The following FGD4 variants were observed in gnomAD, a reference collection of about 807,000 sequenced individuals.
FGD4 encodes the protein FYVE, RhoGEF and PH domain containing 4.
FGD4 carries 42 observed loss-of-function variants against 102.0 expected under a neutral mutation model. The observed-to-expected ratio is 0.41, with a 90% CI of 0.32 to 0.53. FGD4 has a LOEUF of 0.53. Ranked by LOEUF, FGD4 falls within the 20% of genes least tolerant of loss-of-function variation. The probability of loss-of-function intolerance (pLI) is 0.21; values close to 1 mark genes in which losing one functional copy is unlikely to be tolerated. For missense variants in FGD4, 902 were observed against 1,078.2 expected (o/e 0.84, Z 2.29); for synonymous variants, 380 against 375.7 (o/e 1.01, Z -0.13).
intron 1 of FGD4, among the ~76,000 whole-genome samples, chr12:32,500,452 G>A (rs1479319904): frequency 1.6e-5 from 2 of 126,374 alleles, no homozygotes; most frequent in South Asian, 2.5e-4. Flanking sequence ...ATTTTATTTT[G>A]AGACGAAGTC....
intron 10 of FGD4, among the ~76,000 whole-genome samples, chr12:32,613,261 T>C (rs143919724): frequency 0.017 from 2,573 of 152,256 alleles, 45 homozygotes; most frequent in Non-Finnish European, 0.021. Context: ...CCAGTCTCCA[T>C]TGAAAGGAAA....
chr12:32,419,817 G>T (rs1407876766), intron 1 of FGD4, among the ~76,000 whole-genome samples: 1 of 152,074 alleles, frequency 6.6e-6, no homozygotes, highest in African/African-American at 2.4e-5. Flanking sequence ...TGTCATCTGA[G>T]TGCAGCCTGG....
intron 1 of FGD4, among the ~76,000 whole-genome samples, chr12:32,448,368 G>A (rs1565746297): frequency 1.3e-5 from 2 of 152,074 alleles, no homozygotes; most frequent in African/African-American, 2.4e-5. Flanking sequence ...TAGAAAAAGG[G>A]GTGCTTGGCT....
At chr12:32,510,175 C>G (rs1430699393) in intron 1 of FGD4, among the ~76,000 whole-genome samples, 2 of 152,166 alleles carry the variant, frequency 1.3e-5, no homozygotes, top group African/African-American at 2.4e-5. Context: ...AATGATTTAT[C>G]ACATCATATC....
In FGD4 at chr12:32,453,236, TA is replaced by T. The variant is rs1274318110; in HGVS notation, c.166+53278del. On this transcript the variant is annotated intron_variant, in intron 1 of 16. Transcript: ENST00000534526. ...TATATATATAATATAGATATATATA[TA>T]TTTTTTTTTTTTTAAATGTAGAGCC... Among the ~76,000 whole-genome samples, 40 of 43,352 alleles carry T rather than the reference TA, an allele frequency of 9.2e-4. 1 individual carries two copies. The South Asian group carries it at 0.016, about 17-fold the overall frequency. 28.4% of individuals were successfully genotyped at this position (43,352 alleles called of 152,430 possible).
At chr12:32,453,224 TAG>T (rs200083319) in intron 1 of FGD4, among the ~76,000 whole-genome samples, 4,797 of 60,444 alleles carry the variant, frequency 0.079, 160 homozygotes, top group East Asian at 0.13. Context: ...ATATATAATA[TAG>T]ATATATATAT....
At chr12:32,423,235 G>A (rs1591870814) in intron 1 of FGD4, among the ~76,000 whole-genome samples, 2 of 152,056 alleles carry the variant, frequency 1.3e-5, no homozygotes, top group Non-Finnish European at 2.9e-5. Context: ...ATGGGTTCTC[G>A]GCTTCCTCCA....
chr12:32,472,899 T>C (rs1943457076), intron 1 of FGD4, among the ~76,000 whole-genome samples: 1 of 151,848 alleles, frequency 6.6e-6, no homozygotes, highest in Non-Finnish European at 1.5e-5. Flanking sequence ...TGGAGAACCT[T>C]TATGTGTAGC....
At chr12:32,521,912 G>C (rs1467643356) in intron 1 of FGD4, among the ~76,000 whole-genome samples, 1 of 152,018 alleles carries the variant, frequency 6.6e-6, no homozygotes, top group Non-Finnish European at 1.5e-5. Flanking sequence ...ATAATCCTTA[G>C]CATAGTACCG....
At chr12:32,521,430 G>A (rs1378167846) in intron 1 of FGD4, among the ~76,000 whole-genome samples, 1 of 149,266 alleles carries the variant, frequency 6.7e-6, no homozygotes. Flanking sequence ...GTGAAGAAAT[G>A]TTCAAAGGAA....
rs1274537152 is a variant in FGD4, at chr12:32,625,028, A to G, written c.2006A>G (p.Asn669Ser). ...AFHQRHETFRNAIAKDNDIHS... is the reference protein window; with the variant it reads ...AFHQRHETFRSAIAKDNDIHS... ...CATCAAAGGCATGAAACCTTCAGAA[A>G]TGCAATTGCAAAGGATAATGACATT... Residue 669 changes from asparagine (N) to serine (S), a missense_variant, in exon 13 of 17, where the codon AAT (asparagine) becomes AGT (serine). Asn to Ser is a conservative substitution (Grantham distance 46). Coordinates refer to ENST00000534526, the MANE Select transcript of FGD4 (RefSeq NM_001370298.3). 1 of 1,613,420 alleles carries G rather than the reference A, an allele frequency of 6.2e-7. No homozygotes were observed. The highest frequency in any genetic ancestry group is 1.7e-5 in the Admixed American group (1 of 60,008).
chr12:32,628,279 G>T (rs1280266766), intron 14 of FGD4, among the ~76,000 whole-genome samples: 2 of 152,208 alleles, frequency 1.3e-5, no homozygotes, highest in Admixed American at 6.5e-5. Flanking sequence ...GGGCCTCAGA[G>T]CTGCCAGGGG....
chr12:32,446,113 G>T (rs552236928), intron 1 of FGD4, among the ~76,000 whole-genome samples: 1 of 152,136 alleles, frequency 6.6e-6, no homozygotes, highest in Non-Finnish European at 1.5e-5. Context: ...GAGATCAGGC[G>T]ACTGCACTCC....
intron 1 of FGD4, among the ~76,000 whole-genome samples, chr12:32,433,035 C>T (rs556890685): frequency 4.3e-4 from 66 of 151,870 alleles, no homozygotes; most frequent in South Asian, 2.5e-3. Context: ...CTCACTCTGT[C>T]GCCCAGGCTG....
At chr12:32,540,996 T>A (rs1308412891) in intron 1 of FGD4, among the ~76,000 whole-genome samples, 1 of 152,162 alleles carries the variant, frequency 6.6e-6, no homozygotes, top group African/African-American at 2.4e-5. Flanking sequence ...TAGTCAGACT[T>A]TTTATTTGTA....
intron 1 of FGD4, among the ~76,000 whole-genome samples, chr12:32,516,400 T>C (rs1378086556): frequency 6.6e-6 from 1 of 152,148 alleles, no homozygotes. Flanking sequence ...TATCTCAGCC[T>C]CCCAGAGTGC....
intron 14 of FGD4, among the ~76,000 whole-genome samples, chr12:32,631,335 CAG>C (rs1293617383): frequency 6.6e-6 from 1 of 152,046 alleles, no homozygotes; most frequent in Non-Finnish European, 1.5e-5. Flanking sequence ...ATGGGAGACA[CAG>C]AAAACAGTAG....
At chr12:32,501,931 GA>G in intron 1 of FGD4, 1 of 624,838 alleles carries the variant, frequency 1.6e-6, no homozygotes, top group Non-Finnish European at 2.0e-6. Context: ...AAATTTGCTG[GA>G]AAGCTTTTAG....
intron 4 of FGD4, among the ~76,000 whole-genome samples, chr12:32,595,428 T>A (rs1294289183): frequency 6.6e-6 from 1 of 152,224 alleles, no homozygotes; most frequent in African/African-American, 2.4e-5. Context: ...CTCATAGCAC[T>A]TAAGCCTCCA....
Sources: gnomAD v4.1 joint callset for allele counts (sites outside exome capture counted in the v4.1 genomes callset) on GRCh38, gnomAD v4.1.1 for gene constraint, MANE v1.5 for transcripts, NCBI Gene and HGNC (gene_info 2026-07-23, HGNC 2026-07-21) for gene names.